AGBL4: variants seen among roughly 807,000 people sequenced by gnomAD.
AGBL4 encodes the protein AGBL carboxypeptidase 4.
In AGBL4, 58 loss-of-function variants were observed where a neutral mutation model predicts 66.4. The observed-to-expected ratio is 0.87, with a 90% confidence interval of 0.71 to 1.09. The LOEUF (loss-of-function observed/expected upper bound fraction) is 1.09. Among genes scored for constraint, AGBL4 ranks in the 50% least tolerant of loss-of-function variants. The pLI is 0.00. For synonymous variants in AGBL4, 234 were observed against 222.9 expected, an observed-to-expected ratio of 1.05 and a Z score of -0.44; for missense variants, 579 against 631.0, an observed-to-expected ratio of 0.92 and a Z score of 0.88.
Position 48,690,766 on chromosome 1 carries a change from C to G in AGBL4, c.635-27525G>C, listed in dbSNP as rs975530306. 8.5e-5 allele frequency among the ~76,000 whole-genome samples: 13 copies of G among 152,176 alleles called. No homozygotes were observed. In the South Asian group the frequency reaches 2.7e-3, roughly 32 times the overall value. On this transcript the variant is annotated intron_variant, in intron 6 of 13. Coordinates refer to ENST00000371839, the MANE Select transcript of AGBL4 (RefSeq NM_032785.4). Reference sequence around the variant, plus strand: ...GGGCTTAAAGCCAGACTTGGACCACCCAGCAGAAGAAATACACATGTCACA... The same window carrying G: ...GGGCTTAAAGCCAGACTTGGACCACGCAGCAGAAGAAATACACATGTCACA...
intron 2 of AGBL4, among the ~76,000 whole-genome samples, chr1:49,803,263 A>T (rs1644905415): frequency 6.6e-6 from 1 of 152,074 alleles, no homozygotes; most frequent in Non-Finnish European, 1.5e-5. Context: ...TTAAATGAGG[A>T]GACCAAGTAG....
intron 4 of AGBL4, among the ~76,000 whole-genome samples, chr1:49,094,103 G>C (rs1645048362): frequency 6.6e-6 from 1 of 152,158 alleles, no homozygotes; most frequent in African/African-American, 2.4e-5. Context: ...TAGGCCAAGA[G>C]TTGATACAGA....
At chr1:49,192,739 T>G (rs1263886552) in intron 4 of AGBL4, among the ~76,000 whole-genome samples, 2 of 152,176 alleles carry the variant, frequency 1.3e-5, no homozygotes, top group Non-Finnish European at 2.9e-5. Context: ...GAACCAAAGC[T>G]CTAAAAGACA....
chr1:49,292,325 G>A (rs1373861817), intron 3 of AGBL4, among the ~76,000 whole-genome samples: 2 of 152,214 alleles, frequency 1.3e-5, no homozygotes, highest in Admixed American at 1.3e-4. Flanking sequence ...GCAGCAGGAG[G>A]CAGACAGGTT....
In AGBL4 at chr1:49,641,469, T is replaced by C. The variant is rs192938229; in HGVS notation, c.282+55844A>G. Among the ~76,000 whole-genome samples the C allele has an allele frequency of 1.9e-3, 290 of 152,226 alleles. 3 individuals carry two copies. Among genetic ancestry groups the C allele is most frequent in the African/African-American group, 6.7e-3 (280 of 41,566 alleles). ...AAAGTGAAACCTTATCACATGAGAC[T>C]GCAACATTTCGTTCCACAATGTTTC... On this transcript the variant is annotated intron_variant, in intron 3 of 13. Coordinates refer to ENST00000371839, the MANE Select transcript of AGBL4 (RefSeq NM_032785.4).
chr1:49,313,340 T>A (rs986981145), intron 3 of AGBL4, among the ~76,000 whole-genome samples: 2 of 152,180 alleles, frequency 1.3e-5, no homozygotes. Flanking sequence ...AACATACGTG[T>A]GCATGTGTCT....
intron 3 of AGBL4, among the ~76,000 whole-genome samples, chr1:49,620,766 G>A (rs957788992): frequency 3.9e-5 from 6 of 152,016 alleles, no homozygotes; most frequent in Non-Finnish European, 4.4e-5. Flanking sequence ...GTGAATAACA[G>A]GTCAATATTA....
chr1:48,719,544 G>A (rs1647110118), intron 6 of AGBL4, among the ~76,000 whole-genome samples: 1 of 152,186 alleles, frequency 6.6e-6, no homozygotes, highest in African/African-American at 2.4e-5. Context: ...TCAGAGTCTA[G>A]CAGCTCAGCC....
intron 3 of AGBL4, among the ~76,000 whole-genome samples, chr1:49,307,995 C>T (rs1644878157): frequency 6.6e-6 from 1 of 152,010 alleles, no homozygotes; most frequent in Non-Finnish European, 1.5e-5. Context: ...GGATTTCCCC[C>T]TTGGTGCTGT....
At chr1:48,524,883 C>T in the AGBL4 span, among the ~76,000 whole-genome samples, 1 of 148,750 alleles carries the variant, frequency 6.7e-6, no homozygotes, top group African/African-American at 2.5e-5. Flanking sequence ...CCTATGGATA[C>T]TATTAGCCTA....
chr1:49,003,743 ATC>A (rs1433859891), intron 5 of AGBL4, among the ~76,000 whole-genome samples: 1 of 152,150 alleles, frequency 6.6e-6, no homozygotes, highest in Non-Finnish European at 1.5e-5. Context: ...TGTTTTAGCC[ATC>A]TCTCTTTTCT....
intron 3 of AGBL4, among the ~76,000 whole-genome samples, chr1:49,653,300 CA>C: frequency 6.6e-6 from 1 of 152,026 alleles, no homozygotes; most frequent in Non-Finnish European, 1.5e-5. Context: ...AAACACCCCA[CA>C]AAACCACATC....
intron 3 of AGBL4, among the ~76,000 whole-genome samples, chr1:49,305,163 A>C (rs1644826841): frequency 6.6e-6 from 1 of 152,216 alleles, no homozygotes; most frequent in African/African-American, 2.4e-5. Flanking sequence ...AGCTACACTT[A>C]ATGAAATTAT....
chr1:49,272,198 T>C (rs1644075471), intron 3 of AGBL4, among the ~76,000 whole-genome samples: 1 of 152,204 alleles, frequency 6.6e-6, no homozygotes, highest in Non-Finnish European at 1.5e-5. Flanking sequence ...CCATGGTGTT[T>C]CCCTCTTTTT....
intron 3 of AGBL4, among the ~76,000 whole-genome samples, chr1:49,535,344 CAT>C (rs1316725649): frequency 1.4e-5 from 2 of 146,396 alleles, no homozygotes; most frequent in African/African-American, 2.5e-5. Flanking sequence ...TGTAATATGA[CAT>C]AATAATATGT....
chr1:49,778,183 G>T (rs1356806175), intron 2 of AGBL4, among the ~76,000 whole-genome samples: 1 of 152,126 alleles, frequency 6.6e-6, no homozygotes, highest in East Asian at 1.9e-4. Context: ...GAGTGGGCTT[G>T]CATTACTCTT....
At chr1:49,446,783 C>T (rs532863914) in intron 3 of AGBL4, among the ~76,000 whole-genome samples, 2 of 152,256 alleles carry the variant, frequency 1.3e-5, no homozygotes, top group Non-Finnish European at 2.9e-5. Context: ...AACTTATACA[C>T]GTAGGAAGTA....
chr1:48,869,924 G>A (rs1648483249), intron 5 of AGBL4, among the ~76,000 whole-genome samples: 1 of 152,106 alleles, frequency 6.6e-6, no homozygotes, highest in African/African-American at 2.4e-5. Context: ...ATCAGTACAT[G>A]TCACAGAGTA....
intron 5 of AGBL4, among the ~76,000 whole-genome samples, chr1:48,893,322 G>A (rs1280244063): frequency 6.6e-6 from 1 of 152,164 alleles, no homozygotes; most frequent in South Asian, 2.1e-4. Flanking sequence ...CTTAGGAAGT[G>A]GGGCTTTGGG....
Sources: gnomAD v4.1 joint callset for allele counts (sites outside exome capture counted in the v4.1 genomes callset) on GRCh38, gnomAD v4.1.1 for gene constraint, MANE v1.5 for transcripts, NCBI Gene and HGNC (gene_info 2026-07-23, HGNC 2026-07-21) for gene names.